The following GASK1B variants were observed in gnomAD, a reference collection of about 807,000 sequenced individuals.
GASK1B encodes golgi associated kinase 1B, also known as Golgi-associated kinase 1B.
Under a neutral mutation model 42.8 loss-of-function variants are expected in GASK1B, and 34 were observed. The observed-to-expected ratio is 0.79, with a 90% confidence interval of 0.60 to 1.06. The LOEUF (loss-of-function observed/expected upper bound fraction) is 1.06, where lower values mean the gene tolerates loss of function less well. Ranked by LOEUF, GASK1B falls within the 50% of genes least tolerant of loss-of-function variation. GASK1B has a pLI of 0.00. For synonymous variants in GASK1B, 262 were observed against 259.1 expected (o/e 1.01, Z -0.11); for missense variants, 686 against 661.0 (o/e 1.04, Z -0.42).
rs769093083 is a variant in GASK1B at position 158,170,805 on chromosome 4, C to G, written c.571G>C (p.Gly191Arg). The stretch of plus-strand genomic sequence containing the variant: ...CTGGGCTGCAGGAAGTCTGGGCCCC[C>G]GGCTCGCACTCCCGGACCCCGCACC... ...RLVRGPGVRA[G>R]GPDFLQPSSR... Residue 191 changes from glycine (G) to arginine (R), a missense_variant, in exon 2 of 5, where the codon GGG becomes CGG. Gly to Arg is a moderately radical substitution (Grantham distance 125). Coordinates refer to ENST00000585682, the MANE Select transcript of GASK1B (RefSeq NM_001128424.2). 1.9e-6 allele frequency: 3 copies of G among 1,614,186 alleles called. No individual in the cohort carries two copies. The highest frequency in any genetic ancestry group is 2.5e-6 in the Non-Finnish European group (3 of 1,180,026).
intron 2 of GASK1B, 87 bp downstream of exon 2, chr4:158,170,379 A>C (rs762318649): frequency 6.2e-7 from 1 of 1,614,138 alleles, no homozygotes; most frequent in South Asian, 1.1e-5. Flanking sequence ...GTGGAGAAAA[A>C]TCATTTAGAA....
rs908026323 is a variant in GASK1B at position 158,170,696 on chromosome 4, AAG to A, written c.678_679del (p.Leu227GlyfsTer14). 6.2e-7 allele frequency: 1 copy of A among 1,614,078 alleles called. No homozygotes were observed. Among genetic ancestry groups the A allele is most frequent in the African/African-American group, 1.3e-5 (1 of 74,948 alleles). ...GAGCCCTGCCACTGCGCTGTCCGCC[AAG>A]AGTCGCATTCTTCGGATGTCATCTT... On this transcript the variant is annotated frameshift_variant, in exon 2 of 5. Transcript: ENST00000585682. LOFTEE classifies it high-confidence loss of function.
At chr4:158,149,506 G>A (rs1259138775) in intron 3 of GASK1B, among the ~76,000 whole-genome samples, 1 of 152,140 alleles carries the variant, frequency 6.6e-6, no homozygotes, top group Non-Finnish European at 1.5e-5. Flanking sequence ...ATTCACAATA[G>A]GTTAGCTCTT....
In GASK1B at chr4:158,171,481, A is replaced by G. The variant is rs2881373; in HGVS notation, c.-106T>C. On this transcript the variant is annotated 5_prime_UTR_variant, in exon 2 of 5. Coordinates refer to ENST00000585682, the MANE Select transcript of GASK1B (RefSeq NM_001128424.2). ...TCAGCTGCCGCGTCCGCTTCGGGAT[A>G]TAAGTGGTCTCCAGTGGGCAGAGGT... 0.84 allele frequency: 1,095,711 copies of G among 1,312,100 alleles called. 460,895 individuals are homozygous for G. Among genetic ancestry groups the G allele is most frequent in the East Asian group, 0.96 (38,186 of 39,880 alleles). The allele number at this position is 1,312,100 out of a possible 1,614,324, so 81.3% of individuals were successfully genotyped here.
At chr4:158,134,884 G>T (rs1730824381) in intron 3 of GASK1B, among the ~76,000 whole-genome samples, 1 of 152,128 alleles carries the variant, frequency 6.6e-6, no homozygotes, top group Non-Finnish European at 1.5e-5. Flanking sequence ...GAAACCTAAA[G>T]ATGTTCCAAC....
At chr4:158,141,507 G>A (rs1731113423) in intron 3 of GASK1B, among the ~76,000 whole-genome samples, 2 of 151,152 alleles carry the variant, frequency 1.3e-5, no homozygotes, top group Admixed American at 1.3e-4. Context: ...TGTGAAGTTA[G>A]AGAATGTGGT....
chr4:158,169,120 A>G (rs184475186), intron 2 of GASK1B: 1 of 152,330 alleles, frequency 6.6e-6, no homozygotes, highest in Non-Finnish European at 1.5e-5. Flanking sequence ...AATGGAAATA[A>G]TAATAGTCCC....
intron 2 of GASK1B, among the ~76,000 whole-genome samples, chr4:158,164,954 G>T (rs1732169163): frequency 6.6e-6 from 1 of 152,172 alleles, no homozygotes; most frequent in Admixed American, 6.5e-5. Flanking sequence ...AGCAACTTGG[G>T]ATCTACAATG....
chr4:158,124,494 T>C lies in GASK1B; in HGVS notation c.*2913A>G, dbSNP rs1363139152. On this transcript the variant is annotated 3_prime_UTR_variant, in exon 5 of 5. Transcript: ENST00000585682. Reference sequence around the variant, plus strand: ...TTTATCATCTTTATTTGACCCATGTTCAATTTCCATATAATTTTCAGATGA... The same window carrying C: ...TTTATCATCTTTATTTGACCCATGTCCAATTTCCATATAATTTTCAGATGA... 3 of 152,204 alleles carry C rather than the reference T, an allele frequency of 2.0e-5. No individual in the cohort carries two copies. Among genetic ancestry groups the C allele is most frequent in the African/African-American group, 7.2e-5 (3 of 41,458 alleles). The allele number at this position is 152,204 out of a possible 1,614,324, so 9.4% of individuals were successfully genotyped here. A position where few individuals can be genotyped will look rare whatever the true frequency, so the allele number is the denominator to read the frequency against.
Position 158,125,338 on chromosome 4 carries a change from C to G in GASK1B, c.*2069G>C, listed in dbSNP as rs1415965938. 6.6e-6 allele frequency: 1 copy of G among 151,768 alleles called. No homozygotes were observed. The highest frequency in any genetic ancestry group is 1.5e-5 in the Non-Finnish European group (1 of 67,966). 9.4% of individuals were successfully genotyped at this position (151,768 alleles called of 1,614,324 possible). On this transcript the variant is annotated 3_prime_UTR_variant, in exon 5 of 5. Coordinates refer to ENST00000585682, the MANE Select transcript of GASK1B (RefSeq NM_001128424.2). ...CCCAACAGCATTGTAGCTTGAGACT[C>G]AAAGTTAAAGCCAGCTTCTAAAAAG...
chr4:158,149,281 A>T (rs1437686819), intron 3 of GASK1B, among the ~76,000 whole-genome samples: 1 of 152,206 alleles, frequency 6.6e-6, no homozygotes, highest in South Asian at 2.1e-4. Context: ...AATAGTTTTT[A>T]AAAAACTTAG....
chr4:158,130,438 C>T (rs962457238), intron 4 of GASK1B, among the ~76,000 whole-genome samples: 1 of 152,128 alleles, frequency 6.6e-6, no homozygotes, highest in African/African-American at 2.4e-5. Flanking sequence ...ATAATGGAGC[C>T]TCTGCCACCT....
chr4:158,156,198 T>C (rs1378927924), intron 2 of GASK1B, among the ~76,000 whole-genome samples: 1 of 152,210 alleles, frequency 6.6e-6, no homozygotes, highest in Non-Finnish European at 1.5e-5. Flanking sequence ...TAATTGTCTA[T>C]TCAATGTCTG....
intron 4 of GASK1B, among the ~76,000 whole-genome samples, chr4:158,129,716 CT>C (rs1730602869): frequency 6.6e-6 from 1 of 152,148 alleles, no homozygotes; most frequent in African/African-American, 2.4e-5. Context: ...CAATTTGAGA[CT>C]TGCTCATGAG....
chr4:158,128,816 G>C (rs1345958710), intron 4 of GASK1B, among the ~76,000 whole-genome samples: 4 of 152,198 alleles, frequency 2.6e-5, no homozygotes, highest in Non-Finnish European at 5.9e-5. Flanking sequence ...AAGATGCTCT[G>C]AGTTCCCTGA....
chr4:158,170,706 T>A lies in GASK1B; in HGVS notation c.670A>T (p.Met224Leu). ...ACTGCGCTGTCCGCCAAGAGTCGCATTCTTCGGATGTCATCTTTGCTCAGC... is the reference window on the plus strand; with the variant it reads ...ACTGCGCTGTCCGCCAAGAGTCGCAATCTTCGGATGTCATCTTTGCTCAGC... ...SWLSKDDIRRMRLLADSAVAG... is the reference protein window; with the variant it reads ...SWLSKDDIRRLRLLADSAVAG... The change falls in exon 2 of 5, where the codon ATG (methionine) becomes TTG (leucine). Residue 224 changes from methionine to leucine, a missense_variant. Physicochemically the swap from Met to Leu is conservative, Grantham distance 15. Coordinates refer to ENST00000585682, the MANE Select transcript of GASK1B (RefSeq NM_001128424.2). 2 of 1,614,214 alleles carry A rather than the reference T, an allele frequency of 1.2e-6. No individual in the cohort carries two copies. Among genetic ancestry groups the A allele is most frequent in the East Asian group, 2.2e-5 (1 of 44,872 alleles).
intron 3 of GASK1B, among the ~76,000 whole-genome samples, chr4:158,139,634 A>G (rs1306506102): frequency 6.6e-6 from 1 of 152,234 alleles, no homozygotes; most frequent in East Asian, 1.9e-4. Context: ...GTTATTTACC[A>G]TATTAAATGA....
At chr4:158,159,889 C>T (rs1300253208) in intron 2 of GASK1B, among the ~76,000 whole-genome samples, 1 of 151,962 alleles carries the variant, frequency 6.6e-6, no homozygotes, top group Non-Finnish European at 1.5e-5. Flanking sequence ...TTATTAAATG[C>T]CCTTCACTTT....
intron 2 of GASK1B, among the ~76,000 whole-genome samples, chr4:158,159,026 T>C (rs1013372924): frequency 6.6e-6 from 1 of 152,138 alleles, no homozygotes; most frequent in Non-Finnish European, 1.5e-5. Context: ...ACATTTTCTA[T>C]ACTAATCATT....
Sources: gnomAD v4.1 joint callset for allele counts (sites outside exome capture counted in the v4.1 genomes callset) on GRCh38, gnomAD v4.1.1 for gene constraint, MANE v1.5 for transcripts, NCBI Gene and HGNC (gene_info 2026-07-23, HGNC 2026-07-21) for gene names.